The following AGBL4 variants were observed in gnomAD, a reference collection of about 807,000 sequenced individuals.
AGBL4 encodes the protein AGBL carboxypeptidase 4, also known as cytosolic carboxypeptidase 6.
AGBL4 carries 58 observed loss-of-function variants against 66.4 expected under a neutral mutation model. The observed-to-expected ratio is 0.87, with a 90% CI of 0.71 to 1.09. The LOEUF is 1.09. Ranked by LOEUF, AGBL4 falls within the 50% of genes least tolerant of loss-of-function variation. The probability of loss-of-function intolerance (pLI) is 0.00; values close to 1 mark genes in which losing one functional copy is unlikely to be tolerated. For missense variants in AGBL4, 579 were observed against 631.0 expected (o/e 0.92, Z 0.88); for synonymous variants, 234 against 222.9 (o/e 1.05, Z -0.44).
At chr1:49,928,843 C>T (rs1653051418) in intron 1 of AGBL4, among the ~76,000 whole-genome samples, 1 of 151,996 alleles carries the variant, frequency 6.6e-6, no homozygotes, top group Admixed American at 6.6e-5. Context: ...AAAAATCATT[C>T]TACCAAAAAG....
intron 9 of AGBL4, among the ~76,000 whole-genome samples, chr1:48,620,217 A>G (rs998025989): frequency 3.3e-5 from 5 of 152,200 alleles, no homozygotes; most frequent in African/African-American, 1.2e-4. Flanking sequence ...GAGTGGCCAG[A>G]GCATTTGAGC....
chr1:49,427,259 C>T (rs921176385), intron 3 of AGBL4, among the ~76,000 whole-genome samples: 2 of 152,090 alleles, frequency 1.3e-5, no homozygotes, highest in African/African-American at 4.8e-5. Context: ...TTCTGCTGAG[C>T]ACCTCAAAGG....
intron 5 of AGBL4, among the ~76,000 whole-genome samples, chr1:48,992,930 T>A (rs1490211832): frequency 6.6e-6 from 1 of 152,138 alleles, no homozygotes; most frequent in Non-Finnish European, 1.5e-5. Flanking sequence ...CCTAGAGCCA[T>A]GGCCTGGAAT....
chr1:48,590,083 A>G (rs1183355392), intron 10 of AGBL4, among the ~76,000 whole-genome samples: 1 of 152,194 alleles, frequency 6.6e-6, no homozygotes, highest in Non-Finnish European at 1.5e-5. Context: ...CCCTGTCTCT[A>G]CAAAATAAAT....
intron 1 of AGBL4, among the ~76,000 whole-genome samples, chr1:49,982,469 C>A (rs1659134668): frequency 6.6e-6 from 1 of 152,214 alleles, no homozygotes; most frequent in Admixed American, 6.5e-5. Context: ...GTGCTGAGGG[C>A]AGCTCAGCAC....
chr1:49,130,752 C>A (rs1222796690), intron 4 of AGBL4, among the ~76,000 whole-genome samples: 6 of 151,506 alleles, frequency 4.0e-5, no homozygotes, highest in African/African-American at 9.7e-5. Flanking sequence ...TAGCGTGATG[C>A]CTCCAGCTTT....
intron 5 of AGBL4, among the ~76,000 whole-genome samples, chr1:48,966,845 C>T (rs1264444351): frequency 1.3e-5 from 2 of 151,890 alleles, no homozygotes; most frequent in East Asian, 3.9e-4. Flanking sequence ...CTGCTATACA[C>T]CAGGCAGAAA....
rs367659170 is a variant in AGBL4, at chr1:49,198,818, C to G, written c.377+46952G>C. On this transcript the variant is annotated intron_variant, in intron 4 of 13. Transcript: ENST00000371839. ...CCTATCCTAAGGAATAAATATAGTT[C>G]TAAGCCTTCAGCCTTGCTTTTTGTC... is the stretch of plus-strand genomic sequence containing the variant. 2.5e-4 allele frequency among the ~76,000 whole-genome samples: 38 copies of G among 151,546 alleles called. 2 individuals are homozygous for G. The highest frequency in any genetic ancestry group is 9.2e-4 in the African/African-American group (38 of 41,284).
At chr1:49,256,184 A>C (rs1353651053) in intron 3 of AGBL4, among the ~76,000 whole-genome samples, 3 of 148,550 alleles carry the variant, frequency 2.0e-5, no homozygotes, top group African/African-American at 7.3e-5. Flanking sequence ...ATTATAACAA[A>C]TTTTTTAAAA....
chr1:49,604,181 A>G (rs1291941057), intron 3 of AGBL4, among the ~76,000 whole-genome samples: 5 of 152,240 alleles, frequency 3.3e-5, no homozygotes, highest in African/African-American at 1.2e-4. Flanking sequence ...GTACTAATTT[A>G]CACTCCCACC....
At chr1:49,053,341 T>C (rs1644253386) in intron 4 of AGBL4, among the ~76,000 whole-genome samples, 2 of 152,196 alleles carry the variant, frequency 1.3e-5, no homozygotes, top group South Asian at 4.1e-4. Context: ...TTTCAAGGAA[T>C]GTGCTGTCTG....
At chr1:49,694,616 C>G (rs1646949775) in intron 3 of AGBL4, among the ~76,000 whole-genome samples, 1 of 152,148 alleles carries the variant, frequency 6.6e-6, no homozygotes, top group South Asian at 2.1e-4. Context: ...AGACCCAACT[C>G]TCTTGTAAGA....
At chr1:50,013,626 T>C (rs1053307153) in intron 1 of AGBL4, among the ~76,000 whole-genome samples, 4 of 152,204 alleles carry the variant, frequency 2.6e-5, no homozygotes, top group Non-Finnish European at 5.9e-5. Flanking sequence ...GTAATGACAC[T>C]ACTAAGATAA....
At chr1:50,013,428 G>A (rs1557660587) in intron 1 of AGBL4, among the ~76,000 whole-genome samples, 1 of 152,066 alleles carries the variant, frequency 6.6e-6, no homozygotes, top group South Asian at 2.1e-4. Context: ...AAATCATTTG[G>A]TTTTCATCCA....
In AGBL4 at chr1:49,086,665, G is replaced by A. The variant is rs903121096; in HGVS notation, c.378-40865C>T. Among the ~76,000 whole-genome samples, 4 of 151,922 alleles carry A rather than the reference G, an allele frequency of 2.6e-5. No homozygotes were observed. The South Asian group carries it at 8.3e-4, about 31-fold the overall frequency. On this transcript the variant is annotated intron_variant, in intron 4 of 13. Coordinates refer to ENST00000371839, the MANE Select transcript of AGBL4 (RefSeq NM_032785.4). ...TTGCTGCAGAAACACCTAGACAGCA[G>A]AGTGGGCAACTCCACTCACCCTTGC...
intron 3 of AGBL4, among the ~76,000 whole-genome samples, chr1:49,590,677 C>T (rs530426087): frequency 3.3e-5 from 5 of 152,018 alleles, no homozygotes; most frequent in Non-Finnish European, 5.9e-5. Context: ...AACCATCAAT[C>T]TAATATCCTC....
chr1:48,735,256 T>C (rs1357145962), intron 6 of AGBL4, among the ~76,000 whole-genome samples: 1 of 152,220 alleles, frequency 6.6e-6, no homozygotes, highest in Non-Finnish European at 1.5e-5. Context: ...GTGTTTTCTG[T>C]AGAGTAACTA....
intron 6 of AGBL4, among the ~76,000 whole-genome samples, chr1:48,698,253 G>A (rs1054204586): frequency 2.0e-5 from 3 of 152,226 alleles, no homozygotes; most frequent in African/African-American, 7.2e-5. Flanking sequence ...AGGGTGCAGG[G>A]AAGCATAGAG....
At chr1:48,928,647 G>A (rs1459344438) in intron 5 of AGBL4, among the ~76,000 whole-genome samples, 2 of 152,062 alleles carry the variant, frequency 1.3e-5, no homozygotes, top group Non-Finnish European at 2.9e-5. Flanking sequence ...CCATTTACTA[G>A]CTAGATGCTC....
Sources: allele counts gnomAD v4.1 joint callset (sites outside exome capture counted in the v4.1 genomes callset), GRCh38; gene constraint gnomAD v4.1.1; transcripts MANE v1.5; gene names NCBI Gene and HGNC (gene_info 2026-07-23, HGNC 2026-07-21).